Variants in LARGE1 observed in about 807,000 individuals in gnomAD.
The protein encoded by LARGE1 is LARGE xylosyl- and glucuronyltransferase 1, also known as xylosyl- and glucuronyltransferase LARGE1.
In LARGE1, 43 loss-of-function variants were observed where a neutral mutation model predicts 87.6. The ratio of observed to expected loss-of-function variants is 0.49; its 90% confidence interval spans 0.38 to 0.63. LARGE1 has a LOEUF of 0.63. Ranked by LOEUF, LARGE1 falls within the 30% of genes least tolerant of loss-of-function variation. The pLI, the probability that LARGE1 is intolerant of heterozygous loss-of-function variation, is 0.00. For synonymous variants in LARGE1, 434 were observed against 394.6 expected (o/e 1.10, Z -1.18); for missense variants, 802 against 1,000.2 (o/e 0.80, Z 2.67).
At chr22:33,113,926 A>G in the LARGE1 span, among the ~76,000 whole-genome samples, 1 of 149,446 alleles carries the variant, frequency 6.7e-6, no homozygotes, top group African/African-American at 2.5e-5. Flanking sequence ...GCTGGAGTGC[A>G]GTGTTGCGAT....
At chr22:33,179,417 A>G (rs554998009) in intron 11 of LARGE1, among the ~76,000 whole-genome samples, 2,193 of 152,328 alleles carry the variant, frequency 0.014, 55 homozygotes, top group African/African-American at 0.048. Flanking sequence ...GACAAGGTTA[A>G]TGACACAAAT....
intron 6 of LARGE1, among the ~76,000 whole-genome samples, chr22:33,564,070 G>C (rs2077947713): frequency 6.6e-6 from 1 of 152,108 alleles, no homozygotes; most frequent in Non-Finnish European, 1.5e-5. Flanking sequence ...AAACACAGAA[G>C]GGGCTAGCGT....
intron 10 of LARGE1, among the ~76,000 whole-genome samples, chr22:33,333,518 T>C (rs1200439849): frequency 6.6e-6 from 1 of 152,206 alleles, no homozygotes; most frequent in Non-Finnish European, 1.5e-5. Context: ...GCCCCCAACA[T>C]GCCTGTGCTC....
chr22:33,671,171 G>A (rs915336294), intron 2 of LARGE1, among the ~76,000 whole-genome samples: 4 of 152,162 alleles, frequency 2.6e-5, no homozygotes, highest in Non-Finnish European at 5.9e-5. Flanking sequence ...CCTGAGGCCA[G>A]GGGGAGCTAA....
chr22:33,166,794 C>A (rs1250290227), exon 12 of LARGE1: 1 of 471,538 alleles, frequency 2.1e-6, no homozygotes, highest in Non-Finnish European at 4.4e-6. Flanking sequence ...TGTCGTCTTG[C>A]AGCTGATGAT....
At chr22:33,887,414 A>G (rs1337817096) in intron 1 of LARGE1, among the ~76,000 whole-genome samples, 5 of 152,164 alleles carry the variant, frequency 3.3e-5, no homozygotes, top group Non-Finnish European at 7.3e-5. Flanking sequence ...CCAACATTCT[A>G]GCACTGCGAG....
chr22:33,601,611 A>T (rs980969480), intron 5 of LARGE1, among the ~76,000 whole-genome samples: 5 of 152,162 alleles, frequency 3.3e-5, no homozygotes, highest in African/African-American at 7.2e-5. Flanking sequence ...ATACTTTCAT[A>T]CTGTTGTACT....
chr22:33,912,979 C>T (rs891823869), intron 1 of LARGE1, among the ~76,000 whole-genome samples: 61 of 151,466 alleles, frequency 4.0e-4, no homozygotes, highest in Admixed American at 1.1e-3. Flanking sequence ...TACAGGCGTG[C>T]GCCACCACGC....
At chr22:33,537,063 G>T (rs1388334974) in intron 6 of LARGE1, among the ~76,000 whole-genome samples, 2 of 152,152 alleles carry the variant, frequency 1.3e-5, no homozygotes, top group African/African-American at 2.4e-5. Context: ...TGCCTGCCTC[G>T]GCCTCCCAAA....
At chr22:33,152,690 G>A in the LARGE1 span, among the ~76,000 whole-genome samples, 1 of 152,040 alleles carries the variant, frequency 6.6e-6, no homozygotes, top group Non-Finnish European at 1.5e-5. Flanking sequence ...TCGCAGCATA[G>A]AAAATTTAAT....
intron 9 of LARGE1, among the ~76,000 whole-genome samples, chr22:33,344,023 C>T (rs1191527200): frequency 6.6e-5 from 10 of 152,096 alleles, no homozygotes; most frequent in Admixed American, 6.6e-4. Context: ...GAGGCTAGGC[C>T]AGTCTCTCCT....
chr22:33,639,770 A>G (rs1435581412), intron 3 of LARGE1, among the ~76,000 whole-genome samples: 2 of 152,230 alleles, frequency 1.3e-5, no homozygotes, highest in Non-Finnish European at 2.9e-5. Context: ...ACACATGTGC[A>G]TGAGTGAAGA....
intron 11 of LARGE1, among the ~76,000 whole-genome samples, chr22:33,254,172 GA>G (rs918213275): frequency 3.3e-5 from 5 of 152,028 alleles, no homozygotes; most frequent in East Asian, 1.9e-4. Context: ...AGCTTATCAC[GA>G]AAAAAAGAGG....
chr22:33,328,510 C>T lies in LARGE1; in HGVS notation c.1287+9136G>A, dbSNP rs368607206. ...CAGAGAATTGCTTGAACCCGGGAGG[C>T]GGAGGTTGCAGTGAGCCGACATTGT... On this transcript the variant is annotated intron_variant, in intron 10 of 14. Coordinates refer to ENST00000397394, the MANE Select transcript of LARGE1 (RefSeq NM_133642.5). 4.7e-3 allele frequency among the ~76,000 whole-genome samples: 717 copies of T among 151,792 alleles called. 7 individuals are homozygous for T. The highest frequency in any genetic ancestry group is 0.017 in the African/African-American group (687 of 41,382).
At chr22:33,244,763 A>G (rs1260452342) in intron 11 of LARGE1, among the ~76,000 whole-genome samples, 2 of 152,132 alleles carry the variant, frequency 1.3e-5, no homozygotes, top group Non-Finnish European at 2.9e-5. Context: ...AATAATTACA[A>G]GAAAGGATGT....
chr22:33,429,810 T>C (rs996640422), intron 7 of LARGE1, among the ~76,000 whole-genome samples: 2 of 151,764 alleles, frequency 1.3e-5, no homozygotes, highest in African/African-American at 4.8e-5. Context: ...CAACACGGGG[T>C]GACTAGTCGT....
chr22:33,738,545 T>C (rs963344372), intron 2 of LARGE1, among the ~76,000 whole-genome samples: 4 of 152,142 alleles, frequency 2.6e-5, no homozygotes, highest in African/African-American at 9.7e-5. Context: ...TCCCTCAGCC[T>C]CCTGGTTGGG....
In LARGE1 at chr22:33,325,137, G is replaced by C. The variant is rs1183265918; in HGVS notation, c.1288-8889C>G. ...GGTAACCAACTCACTACAATGCCTA[G>C]TTGGTCAGCCTCTGGGCTTCTTTCT... On this transcript the variant is annotated intron_variant, in intron 10 of 14. Coordinates refer to ENST00000397394, the MANE Select transcript of LARGE1 (RefSeq NM_133642.5). Among the ~76,000 whole-genome samples the C allele has an allele frequency of 8.5e-5, 13 of 152,250 alleles. 1 individual carries two copies. Among genetic ancestry groups the C allele is most frequent in the Non-Finnish European group, 1.8e-4 (12 of 68,046 alleles).
At chr22:33,404,881 G>C (rs1028512484) in intron 7 of LARGE1, among the ~76,000 whole-genome samples, 1 of 150,274 alleles carries the variant, frequency 6.7e-6, no homozygotes, top group Admixed American at 6.6e-5. Flanking sequence ...TCTGTTCAGT[G>C]GGGGGGAAGG....
Sources: allele counts gnomAD v4.1 joint callset (sites outside exome capture counted in the v4.1 genomes callset), GRCh38; gene constraint gnomAD v4.1.1; transcripts MANE v1.5; gene names NCBI Gene and HGNC (gene_info 2026-07-23, HGNC 2026-07-21).